PDSS2: variants seen among roughly 807,000 people sequenced by gnomAD.
PDSS2 encodes all trans-polyprenyl-diphosphate synthase PDSS2.
In PDSS2, 31 loss-of-function variants were observed where a neutral mutation model predicts 44.5. The observed-to-expected ratio is 0.70, with a 90% CI of 0.52 to 0.94. PDSS2 has a LOEUF of 0.94. PDSS2 is among the 40% of genes least tolerant of loss of function. The pLI, the probability that PDSS2 is intolerant of heterozygous loss-of-function variation, is 0.00. For missense variants in PDSS2, 452 were observed against 482.2 expected (o/e 0.94, Z 0.59); for synonymous variants, 157 against 180.3 (o/e 0.87, Z 1.03).
chr6:107,257,295 T>C (rs562784008), intron 3 of PDSS2, among the ~76,000 whole-genome samples: 1 of 151,848 alleles, frequency 6.6e-6, no homozygotes, highest in South Asian at 2.1e-4. Context: ...TCCCAACACT[T>C]TGGGGGCTGA....
chr6:107,325,623 C>T (rs963384848), intron 2 of PDSS2, among the ~76,000 whole-genome samples: 1 of 152,054 alleles, frequency 6.6e-6, no homozygotes, highest in African/African-American at 2.4e-5. Context: ...GATATTTGAT[C>T]TGGTCAAAGA....
At position 107,236,274 on chromosome 6, in the gene PDSS2, A is replaced by G. The variant is rs560579644; in HGVS notation, c.702+9274T>C. Among the ~76,000 whole-genome samples, 332 of 152,330 alleles carry G rather than the reference A, an allele frequency of 2.2e-3. 2 individuals carry two copies. The highest frequency in any genetic ancestry group is 7.4e-3 in the African/African-American group (309 of 41,578). On this transcript the variant is annotated intron_variant, in intron 4 of 7. Coordinates refer to ENST00000369037, the MANE Select transcript of PDSS2 (RefSeq NM_020381.4). The stretch of plus-strand genomic sequence containing the variant: ...ATTGTCAACCTAGAACTCTATATCC[A>G]GTGAACATATATTTCAGACACACAA...
intron 7 of PDSS2, among the ~76,000 whole-genome samples, chr6:107,190,534 A>T (rs1772335688): frequency 6.6e-6 from 1 of 152,314 alleles, no homozygotes; most frequent in Admixed American, 6.5e-5. Flanking sequence ...TCATAAATGG[A>T]TCATTATAAT....
At chr6:107,429,665 A>G (rs949703663) in intron 1 of PDSS2, among the ~76,000 whole-genome samples, 1 of 151,778 alleles carries the variant, frequency 6.6e-6, no homozygotes, top group Non-Finnish European at 1.5e-5. Flanking sequence ...CAGCCAGATC[A>G]TCTGAGGTCG....
intron 1 of PDSS2, among the ~76,000 whole-genome samples, chr6:107,384,139 AAAG>A (rs1348773113): frequency 6.6e-6 from 1 of 152,262 alleles, no homozygotes; most frequent in African/African-American, 2.4e-5. Flanking sequence ...ACACAAAGTG[AAAG>A]AAGCCAGGCA....
chr6:107,285,935 T>C (rs931958414), intron 2 of PDSS2, among the ~76,000 whole-genome samples: 4 of 151,872 alleles, frequency 2.6e-5, no homozygotes, highest in South Asian at 4.2e-4. Flanking sequence ...AGGTCAGGAA[T>C]TCGAGACTAC....
intron 2 of PDSS2, among the ~76,000 whole-genome samples, chr6:107,313,202 A>T (rs1777097416): frequency 6.6e-6 from 1 of 152,198 alleles, no homozygotes; most frequent in South Asian, 2.1e-4. Context: ...AAAATAATGA[A>T]TTGTAGCATA....
chr6:107,392,183 G>A (rs544222992), intron 1 of PDSS2, among the ~76,000 whole-genome samples: 211 of 152,194 alleles, frequency 1.4e-3, no homozygotes, highest in Middle Eastern at 0.01. Context: ...AATTAAAAGT[G>A]GACCCTAGAT....
chr6:107,450,258 T>A (rs1240312054), intron 1 of PDSS2, among the ~76,000 whole-genome samples: 1 of 152,200 alleles, frequency 6.6e-6, no homozygotes, highest in Non-Finnish European at 1.5e-5. Flanking sequence ...ATATGTGGGT[T>A]GTTTCCAGTT....
rs543620830 is a variant in PDSS2, at chr6:107,221,064, C to T, written c.703-8782G>A. ...AGATTTAGATATACCTATATCAGGA[C>T]GGGCGCGGTGGCTCACGCCTGTAAT... On this transcript the variant is annotated intron_variant, in intron 4 of 7. Transcript: ENST00000369037. Among the ~76,000 whole-genome samples the T allele has an allele frequency of 6.0e-4, 91 of 152,258 alleles. 1 individual carries two copies. The highest frequency in any genetic ancestry group is 1.9e-3 in the African/African-American group (80 of 41,554).
chr6:107,431,698 A>C (rs953364533), intron 1 of PDSS2, among the ~76,000 whole-genome samples: 12 of 152,268 alleles, frequency 7.9e-5, no homozygotes, highest in Non-Finnish European at 8.8e-5. Flanking sequence ...AGAAAAAAAA[A>C]GATGACTAGC....
At chr6:107,231,810 A>G (rs1216210843) in intron 4 of PDSS2, among the ~76,000 whole-genome samples, 1 of 152,110 alleles carries the variant, frequency 6.6e-6, no homozygotes, top group Non-Finnish European at 1.5e-5. Flanking sequence ...AAAAATACAC[A>G]AATTAGCTGG....
intron 1 of PDSS2, among the ~76,000 whole-genome samples, chr6:107,353,448 G>A (rs982555132): frequency 6.6e-6 from 1 of 152,090 alleles, no homozygotes; most frequent in African/African-American, 2.4e-5. Context: ...AAAGCTTAAA[G>A]CCAATTACTC....
chr6:107,317,883 G>C (rs1777250080), intron 2 of PDSS2, among the ~76,000 whole-genome samples: 1 of 152,158 alleles, frequency 6.6e-6, no homozygotes, highest in African/African-American at 2.4e-5. Context: ...TAGGTAACAA[G>C]TTCTTCACAG....
Position 107,254,131 on chromosome 6 carries a change from T to A in PDSS2, c.631-8512A>T, listed in dbSNP as rs531798313. 2.6e-5 allele frequency among the ~76,000 whole-genome samples: 4 copies of A among 151,364 alleles called. No homozygotes were observed. The East Asian group carries it at 7.8e-4, about 30-fold the overall frequency. On this transcript the variant is annotated intron_variant, in intron 3 of 7. Transcript: ENST00000369037. ...TCACTGCAACCTCTGCCTCCCGGGT[T>A]CAAGTGATTCTCCTGCCTCAGCCTC...
intron 4 of PDSS2, among the ~76,000 whole-genome samples, chr6:107,241,593 G>A (rs1774436227): frequency 6.6e-6 from 1 of 151,956 alleles, no homozygotes; most frequent in Non-Finnish European, 1.5e-5. Context: ...TGATCTGCCC[G>A]CCTCAACCTC....
chr6:107,258,158 C>T (rs563209046), intron 3 of PDSS2, among the ~76,000 whole-genome samples: 14 of 152,216 alleles, frequency 9.2e-5, no homozygotes, highest in Non-Finnish European at 1.8e-4. Context: ...AACACAAATC[C>T]GCCATAAAGA....
intron 1 of PDSS2, among the ~76,000 whole-genome samples, chr6:107,444,723 G>T (rs561050820): frequency 2.0e-5 from 3 of 152,058 alleles, no homozygotes; most frequent in African/African-American, 7.3e-5. Flanking sequence ...AATTCAAAGA[G>T]CTCTGAAGAA....
At chr6:107,374,991 C>G (rs1287508392) in intron 1 of PDSS2, among the ~76,000 whole-genome samples, 1 of 151,874 alleles carries the variant, frequency 6.6e-6, no homozygotes, top group African/African-American at 2.4e-5. Flanking sequence ...ACACAAATTT[C>G]CACATAATCC....
Sources: allele counts gnomAD v4.1 joint callset (sites outside exome capture counted in the v4.1 genomes callset), GRCh38; gene constraint gnomAD v4.1.1; transcripts MANE v1.5; gene names NCBI Gene and HGNC (gene_info 2026-07-23, HGNC 2026-07-21).